MIGA1: variants seen among roughly 807,000 people sequenced by gnomAD.
MIGA1 encodes the protein mitoguardin 1, also known as family with sequence similarity 73, member A.
A neutral mutation model predicts 82.0 loss-of-function variants in MIGA1; 58 were observed. The observed-to-expected ratio is 0.71, with a 90% CI of 0.57 to 0.88. The LOEUF is 0.88. MIGA1 is among the 40% of genes least tolerant of loss of function. The pLI is 0.00. For missense variants in MIGA1, 751 were observed against 749.1 expected (o/e 1.00, Z -0.03); for synonymous variants, 249 against 253.6 (o/e 0.98, Z 0.17).
At chr1:77,821,766 T>G (rs75352530) in intron 7 of MIGA1, among the ~76,000 whole-genome samples, 2,720 of 152,282 alleles carry the variant, frequency 0.018, 41 homozygotes, top group Non-Finnish European at 0.023. Context: ...TTCTCTAATT[T>G]GGTTAGTTTT....
Position 77,866,371 on chromosome 1 carries a change from C to A in MIGA1, c.1543C>A (p.Gln515Lys). 1 of 1,613,978 alleles carries A rather than the reference C, an allele frequency of 6.2e-7. No individual in the cohort carries two copies. Among genetic ancestry groups the A allele is most frequent in the Non-Finnish European group, 8.5e-7 (1 of 1,179,954 alleles). The change falls in exon 14 of 16, where the codon CAG becomes AAG. Residue 515 changes from glutamine (Q) to lysine (K), a missense_variant. Physicochemically the swap from Gln to Lys is moderately conservative, Grantham distance 53. This residue lies in a region of MIGA1 where 265 missense variants were observed against 293.6 expected (regional missense o/e 0.90). Transcript: ENST00000370791. ...TTCAAGTTGTTGGTCGGTGCTGAAA[C>A]AGAAAAGACAACAGATGAAGGTAAA...
At chr1:77,821,672 T>C (rs1683815405) in intron 7 of MIGA1, among the ~76,000 whole-genome samples, 1 of 152,040 alleles carries the variant, frequency 6.6e-6, no homozygotes, top group African/African-American at 2.4e-5. Flanking sequence ...GGGATTACAG[T>C]TGTGAGCCAC....
chr1:77,859,950 CTG>C (rs1685402497), intron 10 of MIGA1, 88 bp from the exon 11 acceptor site: 10 of 785,010 alleles, frequency 1.3e-5, no homozygotes, highest in Non-Finnish European at 2.1e-5. Flanking sequence ...AATGCATTAA[CTG>C]TTTTAGGATT....
At chr1:77,869,096 G>A (rs981748443) in intron 14 of MIGA1, among the ~76,000 whole-genome samples, 3 of 151,454 alleles carry the variant, frequency 2.0e-5, no homozygotes, top group Middle Eastern at 3.4e-3. Flanking sequence ...GCAGCCTTCC[G>A]CAGTGTTTGT....
chr1:77,800,690 C>T lies in MIGA1; in HGVS notation c.196-641C>T, dbSNP rs114129542. Among the ~76,000 whole-genome samples the T allele has an allele frequency of 7.3e-3, 1,116 of 152,240 alleles. 16 individuals carry two copies. The highest frequency in any genetic ancestry group is 0.025 in the African/African-American group (1,040 of 41,550). ...TGTAATTATTTGCCAATATATCTGT[C>T]TCCACTCTTAGCACACTGCTTGAGG... On this transcript the variant is annotated intron_variant, in intron 2 of 15. Coordinates refer to ENST00000370791, the MANE Select transcript of MIGA1 (RefSeq NM_198549.4).
At chr1:77,798,863 C>T (rs1557899002) in intron 2 of MIGA1, among the ~76,000 whole-genome samples, 1 of 152,182 alleles carries the variant, frequency 6.6e-6, no homozygotes, top group South Asian at 2.1e-4. Context: ...CATTCTGGGA[C>T]ACTATTCAAC....
At chr1:77,835,298 T>C (rs1684385265) in intron 7 of MIGA1, among the ~76,000 whole-genome samples, 1 of 152,186 alleles carries the variant, frequency 6.6e-6, no homozygotes, top group South Asian at 2.1e-4. Context: ...TATGTGACAA[T>C]TGAGTTAAGA....
chr1:77,855,910 C>T (rs981685756), intron 8 of MIGA1, among the ~76,000 whole-genome samples: 3 of 152,062 alleles, frequency 2.0e-5, no homozygotes, highest in Non-Finnish European at 2.9e-5. Flanking sequence ...ATTGCTCTGG[C>T]TAGGTCTTCC....
intron 8 of MIGA1, among the ~76,000 whole-genome samples, chr1:77,856,481 TCTC>T (rs1685258137): frequency 6.6e-6 from 1 of 152,296 alleles, no homozygotes; most frequent in South Asian, 2.1e-4. Flanking sequence ...CTGATAGAAT[TCTC>T]CTGTGAATCC....
chr1:77,844,113 A>AAT lies in MIGA1; in HGVS notation c.996+730_996+731dup, dbSNP rs869208869. On this transcript the variant is annotated intron_variant, in intron 8 of 15. Coordinates refer to ENST00000370791, the MANE Select transcript of MIGA1 (RefSeq NM_198549.4). Reference sequence around the variant, plus strand: ...AAGACCCTGTCTTAAAAAAAAAAAAAATATATATATATATATATATATATA... The same window carrying AAT: ...AAGACCCTGTCTTAAAAAAAAAAAAAATATATATATATATATATATATATATA... Among the ~76,000 whole-genome samples the AAT allele has an allele frequency of 1.5e-3, 132 of 90,052 alleles. 1 individual carries two copies. Among genetic ancestry groups the AAT allele is most frequent in the African/African-American group, 2.4e-3 (53 of 21,904 alleles). The allele number at this position is 90,052 out of a possible 152,430, so 59.1% of individuals were successfully genotyped here. A position where few individuals can be genotyped will look rare whatever the true frequency, so the allele number is the denominator to read the frequency against.
chr1:77,779,803 G>A, intron 1 of MIGA1, 67 bp downstream of exon 1: 1 of 1,492,274 alleles, frequency 6.7e-7, no homozygotes, highest in Non-Finnish European at 8.9e-7. Flanking sequence ...GAGCGGCCAC[G>A]CAGTTGGGGC....
chr1:77,849,290 G>T (rs1339487550), intron 8 of MIGA1, among the ~76,000 whole-genome samples: 2 of 152,072 alleles, frequency 1.3e-5, no homozygotes, highest in Non-Finnish European at 2.9e-5. Context: ...CCAGCTGTTC[G>T]AGAGGCTGAG....
At chr1:77,874,764 CA>C in intron 15 of MIGA1, 81 bp from the exon 16 acceptor site, 4 of 934,200 alleles carry the variant, frequency 4.3e-6, no homozygotes, top group Non-Finnish European at 6.7e-6. Flanking sequence ...AGTCCTGATT[CA>C]GTGCTCATTA....
chr1:77,802,850 G>A (rs967660921), intron 3 of MIGA1, among the ~76,000 whole-genome samples: 1 of 151,924 alleles, frequency 6.6e-6, no homozygotes, highest in African/African-American at 2.4e-5. Flanking sequence ...AGTAGAAGAG[G>A]CAGAAGTATA....
intron 7 of MIGA1, among the ~76,000 whole-genome samples, chr1:77,822,992 GCCACCA>G (rs920791017): frequency 4.6e-5 from 7 of 151,972 alleles, no homozygotes; most frequent in African/African-American, 1.7e-4. Context: ...ATAGGCGTGT[GCCACCA>G]CGCCAGGCTA....
rs182825525 is a variant in MIGA1 at position 77,785,490 on chromosome 1, T to C, written c.195+2139T>C. Among the ~76,000 whole-genome samples, 7 of 152,210 alleles carry C rather than the reference T, an allele frequency of 4.6e-5. No homozygotes were observed. The East Asian group carries it at 1.4e-3, about 29-fold the overall frequency. ...TCCTGAGTAGCTGGGATTACAGACATGTGCCACCACGCCTGGCTAGTTTTG... is the reference window on the plus strand; with the variant it reads ...TCCTGAGTAGCTGGGATTACAGACACGTGCCACCACGCCTGGCTAGTTTTG... On this transcript the variant is annotated intron_variant, in intron 2 of 15. Transcript: ENST00000370791.
intron 5 of MIGA1, among the ~76,000 whole-genome samples, chr1:77,809,961 T>C (rs1683257505): frequency 1.3e-5 from 2 of 152,098 alleles, no homozygotes; most frequent in South Asian, 2.1e-4. Flanking sequence ...AGAAGAGGTA[T>C]GCAGGTTTTA....
chr1:77,859,484 A>C, intron 10 of MIGA1, 98 bp downstream of exon 10: 1 of 776,988 alleles, frequency 1.3e-6, no homozygotes, highest in East Asian at 2.5e-5. Flanking sequence ...TGTGCTCTTG[A>C]TTATCCCTAT....
At chr1:77,806,199 T>C (rs1466564061) in intron 4 of MIGA1, among the ~76,000 whole-genome samples, 1 of 152,222 alleles carries the variant, frequency 6.6e-6, no homozygotes, top group Non-Finnish European at 1.5e-5. Context: ...CTGTACCACA[T>C]GCTACTGAAC....
Sources: allele counts gnomAD v4.1 joint callset (sites outside exome capture counted in the v4.1 genomes callset), GRCh38; gene constraint gnomAD v4.1.1; regional missense constraint gnomAD v4.1.1; transcripts MANE v1.5; gene names NCBI Gene and HGNC (gene_info 2026-07-23, HGNC 2026-07-21).